MEMO1: variants seen among roughly 807,000 people sequenced by gnomAD.
MEMO1 encodes protein MEMO1.
MEMO1 carries 6 observed loss-of-function variants against 45.2 expected under a neutral mutation model. The observed-to-expected ratio is 0.13, with a 90% CI of 0.07 to 0.26. The LOEUF (loss-of-function observed/expected upper bound fraction) is 0.26, where lower values mean the gene tolerates loss of function less well. MEMO1 is among the 10% of genes least tolerant of loss of function. The pLI, the probability that MEMO1 is intolerant of heterozygous loss-of-function variation, is 1.00. For synonymous variants in MEMO1, 78 were observed against 124.3 expected, an observed-to-expected ratio of 0.63 and a Z score of 2.48; for missense variants, 184 against 370.5, an observed-to-expected ratio of 0.50 and a Z score of 4.13.
At chr2:31,906,293 T>G (rs1216724264) in intron 6 of MEMO1, among the ~76,000 whole-genome samples, 1 of 149,522 alleles carries the variant, frequency 6.7e-6, no homozygotes, top group African/African-American at 2.5e-5. Flanking sequence ...CTTTTGTTTT[T>G]GTTTTTGTTT....
chr2:31,878,270 G>A (rs1001604392), intron 8 of MEMO1, among the ~76,000 whole-genome samples: 13 of 152,142 alleles, frequency 8.5e-5, no homozygotes, highest in African/African-American at 2.9e-4. Flanking sequence ...TTTGGGGGCT[G>A]CAAATCATGT....
Position 31,943,275 on chromosome 2 carries a change from A to G in MEMO1, c.143+27T>C, listed in dbSNP as rs1031664183. 3.9e-5 allele frequency: 62 copies of G among 1,576,402 alleles called. No individual in the cohort carries two copies. In the Admixed American group the frequency reaches 1.0e-3, roughly 26 times the overall value. On this transcript the variant is annotated intron_variant, in intron 3 of 9. Coordinates refer to ENST00000404530, the MANE Select transcript of MEMO1 (RefSeq NM_001301833.4). ...GGGAGACTCCTTCTCAAAAAACAAA[A>G]CAAAAACAAAAACAAAAAAGACTTA...
intron 8 of MEMO1, among the ~76,000 whole-genome samples, chr2:31,878,652 T>C (rs1433006952): frequency 1.3e-5 from 2 of 152,140 alleles, no homozygotes; most frequent in Non-Finnish European, 2.9e-5. Context: ...TTCTTTTATA[T>C]TTTTGGTGCA....
chr2:32,006,125 TAG>T (rs1674034016), intron 2 of MEMO1, among the ~76,000 whole-genome samples: 1 of 152,078 alleles, frequency 6.6e-6, no homozygotes, highest in Admixed American at 6.5e-5. Context: ...AAAGCGGTCA[TAG>T]AGATAGGAAG....
At chr2:31,889,642 T>C (rs1453850325) in intron 7 of MEMO1, among the ~76,000 whole-genome samples, 1 of 152,074 alleles carries the variant, frequency 6.6e-6, no homozygotes, top group African/African-American at 2.4e-5. Flanking sequence ...TATCTCACTT[T>C]ACAAGAATTA....
chr2:31,973,599 T>C (rs551039756), intron 2 of MEMO1, among the ~76,000 whole-genome samples: 1 of 152,176 alleles, frequency 6.6e-6, no homozygotes, highest in African/African-American at 2.4e-5. Flanking sequence ...AAAAACAAAA[T>C]GTGTTATATA....
rs1042528868 is a variant in MEMO1, at chr2:31,993,472, G to A, written c.61+16715C>T. Among the ~76,000 whole-genome samples, 5 of 152,222 alleles carry A rather than the reference G, an allele frequency of 3.3e-5. 1 individual carries two copies. The South Asian group carries it at 6.2e-4, about 19-fold the overall frequency. ...AACTTATAAACTACTGCCCAGTGAA[G>A]AGGAGCACAGACCTGGGTGGGATCA... is the stretch of plus-strand genomic sequence containing the variant. On this transcript the variant is annotated intron_variant, in intron 2 of 9. Transcript: ENST00000404530.
rs559524876 is a variant in MEMO1, at chr2:31,972,898, G to A, written c.62-29515C>T. Among the ~76,000 whole-genome samples the A allele has an allele frequency of 6.6e-5, 10 of 152,294 alleles. No individual in the cohort carries two copies. In the East Asian group the frequency reaches 9.6e-4, roughly 15 times the overall value. On this transcript the variant is annotated intron_variant, in intron 2 of 9. Transcript: ENST00000404530. ...GAAATACAATGACCAATAAGCACAT[G>A]AAAAGATGATCATCCTTTTTAGCCA...
chr2:31,902,900 A>G (rs922318964), intron 6 of MEMO1, among the ~76,000 whole-genome samples: 16 of 152,128 alleles, frequency 1.1e-4, no homozygotes, highest in Non-Finnish European at 1.9e-4. Flanking sequence ...TGCTCTTACT[A>G]AAACAGACTA....
chr2:31,950,789 T>C (rs1666764336), intron 2 of MEMO1, among the ~76,000 whole-genome samples: 1 of 151,870 alleles, frequency 6.6e-6, no homozygotes, highest in Non-Finnish European at 1.5e-5. Context: ...AAAATACTTA[T>C]TCAGACAAAT....
chr2:31,888,404 T>C (rs551190068), intron 7 of MEMO1, among the ~76,000 whole-genome samples: 184 of 152,188 alleles, frequency 1.2e-3, no homozygotes, highest in African/African-American at 4.1e-3. Context: ...CAATCTAAAT[T>C]TAGAAATATA....
intron 2 of MEMO1, among the ~76,000 whole-genome samples, chr2:32,002,993 T>G (rs1473301416): frequency 1.3e-5 from 2 of 152,218 alleles, no homozygotes; most frequent in Non-Finnish European, 2.9e-5. Context: ...AAAACAGTAT[T>G]TAGTAACATA....
At chr2:31,944,040 C>T (rs1665922612) in intron 2 of MEMO1, among the ~76,000 whole-genome samples, 1 of 152,140 alleles carries the variant, frequency 6.6e-6, no homozygotes, top group Non-Finnish European at 1.5e-5. Context: ...AATCCATCAT[C>T]ACAGTCATTT....
At chr2:31,956,903 G>T (rs1382481319) in intron 2 of MEMO1, among the ~76,000 whole-genome samples, 1 of 152,134 alleles carries the variant, frequency 6.6e-6, no homozygotes, top group Non-Finnish European at 1.5e-5. Context: ...CAGCACTTTG[G>T]GAGGCCGAGG....
At chr2:31,982,144 A>C (rs1357395726) in intron 2 of MEMO1, among the ~76,000 whole-genome samples, 2 of 151,972 alleles carry the variant, frequency 1.3e-5, no homozygotes, top group Non-Finnish European at 2.9e-5. Flanking sequence ...TAAAAATACA[A>C]AAATTAGCTG....
chr2:31,924,983 G>C (rs778272722), intron 4 of MEMO1, among the ~76,000 whole-genome samples: 27 of 152,252 alleles, frequency 1.8e-4, no homozygotes, highest in Non-Finnish European at 3.4e-4. Context: ...CATGGTCACA[G>C]GATAAAATCT....
rs151015128 is a variant in MEMO1 at position 31,875,063 on chromosome 2, A to T, written c.658-5111T>A. 4.7e-3 allele frequency among the ~76,000 whole-genome samples: 710 copies of T among 152,096 alleles called. 7 individuals carry two copies. The highest frequency in any genetic ancestry group is 0.016 in the African/African-American group (676 of 41,552). ...CAACAATATACTAATAAAATAGAAC[A>T]CTTATGAGCCATTTAAAAATTCTAT... On this transcript the variant is annotated intron_variant, in intron 8 of 9. Coordinates refer to ENST00000404530, the MANE Select transcript of MEMO1 (RefSeq NM_001301833.4).
chr2:31,869,705 G>T, intron 9 of MEMO1, 143 bp downstream of exon 9: 1 of 762,502 alleles, frequency 1.3e-6, no homozygotes, highest in Non-Finnish European at 1.9e-6. Flanking sequence ...AAAAGCAATG[G>T]AACTCCAAAT....
chr2:31,940,600 T>G (rs1001795092), intron 3 of MEMO1, among the ~76,000 whole-genome samples: 1 of 152,196 alleles, frequency 6.6e-6, no homozygotes, highest in African/African-American at 2.4e-5. Context: ...AGTACAGTGG[T>G]GCAAACAGAC....
Sources: allele counts gnomAD v4.1 joint callset (sites outside exome capture counted in the v4.1 genomes callset), GRCh38; gene constraint gnomAD v4.1.1; transcripts MANE v1.5; gene names NCBI Gene and HGNC (gene_info 2026-07-23, HGNC 2026-07-21).